SAMD5: variants seen among roughly 807,000 people sequenced by gnomAD.
SAMD5 encodes the protein sterile alpha motif domain-containing protein 5.
Under a neutral mutation model 11.3 loss-of-function variants are expected in SAMD5, and 13 were observed. The observed-to-expected ratio is 1.15, with a 90% confidence interval of 0.75 to 1.83. SAMD5 has a LOEUF of 1.83. SAMD5 is among the 40% of genes most tolerant of loss of function. The probability of loss-of-function intolerance (pLI) is 0.00; values close to 1 mark genes in which losing one functional copy is unlikely to be tolerated. For missense variants in SAMD5, 255 were observed against 239.1 expected (o/e 1.07, Z -0.44); for synonymous variants, 129 against 111.3 (o/e 1.16, Z -1.00).
chr6:147,618,403 A>G (rs1789905153), intron 1 of SAMD5, among the ~76,000 whole-genome samples: 1 of 152,104 alleles, frequency 6.6e-6, no homozygotes. Flanking sequence ...GGGCAACATG[A>G]GGGGGAGCAG....
the SAMD5 span, among the ~76,000 whole-genome samples, chr6:147,784,887 T>C: frequency 2.6e-5 from 4 of 152,314 alleles, no homozygotes; most frequent in African/African-American, 9.6e-5. Flanking sequence ...TCTTCTAAAA[T>C]TAGAGTGATA....
chr6:147,671,918 A>G (rs9390491), intron 1 of SAMD5, among the ~76,000 whole-genome samples: 54,350 of 115,846 alleles, frequency 0.47, 13,236 homozygotes, highest in Admixed American at 0.61. Flanking sequence ...TTTTTAGCTC[A>G]TCTTGCACAT....
chr6:147,676,784 T>C (rs1049939574), intron 1 of SAMD5, among the ~76,000 whole-genome samples: 1 of 145,058 alleles, frequency 6.9e-6, no homozygotes, highest in Non-Finnish European at 1.5e-5. Context: ...AGTAGAGAGA[T>C]TGCCACGAGC....
downstream of SAMD5, chr6:147,741,895 T>C (rs1791884425): frequency 6.6e-6 from 1 of 152,192 alleles, no homozygotes; most frequent in Non-Finnish European, 1.5e-5. Flanking sequence ...CTTGAATATA[T>C]GGAAAAACAT....
At chr6:147,861,922 C>A in the SAMD5 span, among the ~76,000 whole-genome samples, 2 of 152,138 alleles carry the variant, frequency 1.3e-5, no homozygotes, top group Non-Finnish European at 2.9e-5. Flanking sequence ...CTGAGCATAG[C>A]GCCTTGCACA....
intron 1 of SAMD5, among the ~76,000 whole-genome samples, chr6:147,718,293 T>C (rs548631983): frequency 2.6e-5 from 4 of 151,786 alleles, no homozygotes; most frequent in Non-Finnish European, 5.9e-5. Context: ...CCCCACCGAG[T>C]GTGCATGGAA....
the SAMD5 span, among the ~76,000 whole-genome samples, chr6:147,830,591 A>G: frequency 3.3e-5 from 5 of 152,230 alleles, no homozygotes; most frequent in African/African-American, 1.2e-4. Flanking sequence ...TCTTTTGCTA[A>G]TAAGAGACAG....
chr6:147,828,144 A>G, the SAMD5 span, among the ~76,000 whole-genome samples: 31 of 152,296 alleles, frequency 2.0e-4, no homozygotes, highest in East Asian at 5.6e-3. Flanking sequence ...GATTTTAACC[A>G]TTGTTTAAAT....
At chr6:147,595,602 C>T (rs533783270) in intron 1 of SAMD5, among the ~76,000 whole-genome samples, 1 of 145,396 alleles carries the variant, frequency 6.9e-6, no homozygotes, top group Non-Finnish European at 1.5e-5. Context: ...TCTTGGCTCA[C>T]TGCAACCTCC....
intron 1 of SAMD5, among the ~76,000 whole-genome samples, chr6:147,575,908 A>G (rs547625675): frequency 6.6e-5 from 10 of 152,264 alleles, no homozygotes; most frequent in African/African-American, 2.4e-4. Flanking sequence ...ACCTTCCCTC[A>G]TGGAACAATA....
chr6:147,899,021 A>C, the SAMD5 span, among the ~76,000 whole-genome samples: 1 of 151,642 alleles, frequency 6.6e-6, no homozygotes, highest in Non-Finnish European at 1.5e-5. Context: ...TCTACTAAAA[A>C]TACAAAAAAA....
intron 1 of SAMD5, among the ~76,000 whole-genome samples, chr6:147,611,212 T>C (rs1789779832): frequency 6.6e-6 from 1 of 152,074 alleles, no homozygotes; most frequent in Non-Finnish European, 1.5e-5. Context: ...AGCCCAGCTC[T>C]GGAACTACAT....
chr6:147,891,951 C>T, the SAMD5 span, among the ~76,000 whole-genome samples: 1,817 of 152,226 alleles, frequency 0.012, 35 homozygotes, highest in African/African-American at 0.042. Flanking sequence ...GGATGGTTTG[C>T]TTAAGCAAGA....
At chr6:147,899,993 AG>A in the SAMD5 span, among the ~76,000 whole-genome samples, 1 of 152,216 alleles carries the variant, frequency 6.6e-6, no homozygotes. Flanking sequence ...GGAAGCAAGA[AG>A]GTAAATTGGT....
At chr6:147,900,323 G>A in the SAMD5 span, among the ~76,000 whole-genome samples, 1 of 152,154 alleles carries the variant, frequency 6.6e-6, no homozygotes, top group African/African-American at 2.4e-5. Flanking sequence ...GTTGATAAAG[G>A]TTTATCAGCC....
chr6:147,542,221 C>T (rs570239992), intron 1 of SAMD5, among the ~76,000 whole-genome samples: 1 of 152,348 alleles, frequency 6.6e-6, no homozygotes, highest in East Asian at 1.9e-4. Flanking sequence ...CCCCAGTCCC[C>T]AGTCCCCAGA....
chr6:147,927,616 G>A, the SAMD5 span, among the ~76,000 whole-genome samples: 1 of 152,176 alleles, frequency 6.6e-6, no homozygotes, highest in Non-Finnish European at 1.5e-5. Flanking sequence ...CTGCAGACAG[G>A]GATAGTTTGA....
the SAMD5 span, among the ~76,000 whole-genome samples, chr6:147,882,589 C>T: frequency 6.6e-6 from 1 of 152,272 alleles, no homozygotes; most frequent in East Asian, 1.9e-4. Flanking sequence ...GACTCTGCCT[C>T]TAAAATTAAA....
Position 147,534,806 on chromosome 6 carries a change from A to G in SAMD5, c.459+25419A>G, listed in dbSNP as rs142094137. Reference sequence around the variant, plus strand: ...TAAAATCTTGGTCACCTCTATCTGCATGACTCCTAAACCATAATTTTTAAT... The same window carrying G: ...TAAAATCTTGGTCACCTCTATCTGCGTGACTCCTAAACCATAATTTTTAAT... On this transcript the variant is annotated intron_variant, in intron 1 of 1. Transcript: ENST00000367474. Among the ~76,000 whole-genome samples the G allele has an allele frequency of 2.3e-3, 354 of 152,306 alleles. 3 individuals are homozygous for G. The highest frequency in any genetic ancestry group is 8.0e-3 in the African/African-American group (334 of 41,564).
Sources: allele counts gnomAD v4.1 joint callset (sites outside exome capture counted in the v4.1 genomes callset), GRCh38; gene constraint gnomAD v4.1.1; transcripts MANE v1.5; gene names NCBI Gene and HGNC (gene_info 2026-07-23, HGNC 2026-07-21).